The following OTUD7A variants were observed in gnomAD, a reference collection of about 807,000 sequenced individuals.
OTUD7A encodes the protein OTU deubiquitinase 7A.
OTUD7A carries 12 observed loss-of-function variants against 65.7 expected under a neutral mutation model. The ratio of observed to expected loss-of-function variants is 0.18; its 90% CI spans 0.12 to 0.30. The LOEUF (loss-of-function observed/expected upper bound fraction) is 0.30, where lower values mean the gene tolerates loss of function less well. OTUD7A is among the 10% of genes least tolerant of loss of function. The probability of loss-of-function intolerance (pLI) is 1.00; values close to 1 mark genes in which losing one functional copy is unlikely to be tolerated. For synonymous variants in OTUD7A, 641 were observed against 586.3 expected (o/e 1.09, Z -1.35); for missense variants, 1,148 against 1,304.8 (o/e 0.88, Z 1.85).
At chr15:31,545,228 T>A (rs996594929) in intron 5 of OTUD7A, among the ~76,000 whole-genome samples, 11 of 152,092 alleles carry the variant, frequency 7.2e-5, no homozygotes, top group Middle Eastern at 6.8e-3. Flanking sequence ...AATGGTACCA[T>A]GTCAGGTTGA....
chr15:31,777,987 C>T (rs1895432190), intron 1 of OTUD7A, among the ~76,000 whole-genome samples: 1 of 152,104 alleles, frequency 6.6e-6, no homozygotes, highest in African/African-American at 2.4e-5. Context: ...AATGGAGCGG[C>T]TCTTAGACAC....
At chr15:31,670,457 T>G (rs1403177652) in intron 1 of OTUD7A, among the ~76,000 whole-genome samples, 1 of 152,130 alleles carries the variant, frequency 6.6e-6, no homozygotes, top group Non-Finnish European at 1.5e-5. Flanking sequence ...TTCTTGGCTT[T>G]TTAATAATTG....
chr15:31,734,924 T>A (rs1319468519), intron 1 of OTUD7A, among the ~76,000 whole-genome samples: 1 of 152,038 alleles, frequency 6.6e-6, no homozygotes, highest in Non-Finnish European at 1.5e-5. Context: ...TTAAAGAGCT[T>A]CTGCACAGCA....
intron 1 of OTUD7A, among the ~76,000 whole-genome samples, chr15:31,763,898 C>T (rs1895037220): frequency 6.6e-6 from 1 of 152,148 alleles, no homozygotes; most frequent in South Asian, 2.1e-4. Flanking sequence ...GAATGAAAGA[C>T]AAGAACTGTT....
At chr15:31,611,990 T>A (rs1890437716) in intron 3 of OTUD7A, among the ~76,000 whole-genome samples, 1 of 152,192 alleles carries the variant, frequency 6.6e-6, no homozygotes, top group South Asian at 2.1e-4. Context: ...GCAGAAACGA[T>A]TTAACATATG....
intron 1 of OTUD7A, among the ~76,000 whole-genome samples, chr15:31,732,671 T>C (rs1355963035): frequency 6.6e-6 from 1 of 152,236 alleles, no homozygotes; most frequent in Non-Finnish European, 1.5e-5. Flanking sequence ...CTCTATCAAT[T>C]GCATCGCACT....
chr15:31,747,251 A>G (rs533165249), intron 1 of OTUD7A, among the ~76,000 whole-genome samples: 2 of 152,336 alleles, frequency 1.3e-5, no homozygotes, highest in African/African-American at 4.8e-5. Flanking sequence ...TTTTTGATAC[A>G]TACCCACATT....
chr15:31,810,126 G>A (rs938244789), intron 1 of OTUD7A, among the ~76,000 whole-genome samples: 5 of 152,176 alleles, frequency 3.3e-5, no homozygotes, highest in Admixed American at 3.3e-4. Context: ...CTGGAGAAGG[G>A]CAGCTTCGGG....
chr15:31,628,910 T>C (rs1328128086), intron 3 of OTUD7A, among the ~76,000 whole-genome samples: 3 of 152,234 alleles, frequency 2.0e-5, no homozygotes, highest in African/African-American at 7.2e-5. Flanking sequence ...TATTGGTGCA[T>C]AAGAATGCTT....
At chr15:31,840,446 A>G (rs1897156614) in intron 1 of OTUD7A, among the ~76,000 whole-genome samples, 1 of 151,996 alleles carries the variant, frequency 6.6e-6, no homozygotes, top group African/African-American at 2.4e-5. Context: ...TCAAAAATTA[A>G]AAAATAAAAA....
chr15:31,830,881 T>C (rs1043984691), intron 1 of OTUD7A, among the ~76,000 whole-genome samples: 1 of 152,196 alleles, frequency 6.6e-6, no homozygotes, highest in African/African-American at 2.4e-5. Context: ...CTCAATCACA[T>C]TGGAGCACAG....
rs1274407667 is a variant in OTUD7A at position 31,617,891 on chromosome 15, T to A, written c.151+37205A>T. 5.3e-5 allele frequency among the ~76,000 whole-genome samples: 8 copies of A among 152,276 alleles called. No individual in the cohort carries two copies. In the East Asian group the frequency reaches 1.5e-3, roughly 29 times the overall value. On this transcript the variant is annotated intron_variant, in intron 3 of 12. Transcript: ENST00000307050. ...TGTGCTGCACCCATTAATTCGTCAT[T>A]CACATTACGCATATCTCCTAATGCT...
intron 3 of OTUD7A, among the ~76,000 whole-genome samples, chr15:31,638,508 T>C (rs1216542091): frequency 6.6e-6 from 1 of 151,164 alleles, no homozygotes; most frequent in African/African-American, 2.4e-5. Context: ...GCCTCCCCAG[T>C]AGCTGGGACG....
At chr15:31,560,841 A>T (rs1888664841) in intron 4 of OTUD7A, among the ~76,000 whole-genome samples, 1 of 152,236 alleles carries the variant, frequency 6.6e-6, no homozygotes, top group African/African-American at 2.4e-5. Flanking sequence ...CACACTGACC[A>T]GCACACCACG....
chr15:31,629,446 C>G (rs1038326094), intron 3 of OTUD7A, among the ~76,000 whole-genome samples: 5 of 152,182 alleles, frequency 3.3e-5, no homozygotes, highest in African/African-American at 1.2e-4. Flanking sequence ...ATGAAGCCCA[C>G]TTGATCATGG....
chr15:31,566,630 T>C (rs1888883117), intron 4 of OTUD7A, among the ~76,000 whole-genome samples: 2 of 152,192 alleles, frequency 1.3e-5, no homozygotes, highest in Non-Finnish European at 2.9e-5. Flanking sequence ...TCCCCAATCT[T>C]GGAGGGGGGG....
intron 5 of OTUD7A, chr15:31,557,328 C>T (rs1888529650): frequency 6.6e-6 from 1 of 152,252 alleles, no homozygotes; most frequent in Admixed American, 6.5e-5. Context: ...GTAAAACTTC[C>T]CGGCACATTG....
intron 1 of OTUD7A, among the ~76,000 whole-genome samples, chr15:31,842,260 T>G (rs1047464656): frequency 2.0e-5 from 3 of 152,210 alleles, no homozygotes; most frequent in African/African-American, 7.2e-5. Context: ...GTGGGTGTGT[T>G]CTGTGTCCTG....
intron 1 of OTUD7A, among the ~76,000 whole-genome samples, chr15:31,801,168 TTCAACACAC>T (rs1896115233): frequency 6.6e-6 from 1 of 152,042 alleles, no homozygotes; most frequent in Non-Finnish European, 1.5e-5. Context: ...CACTAGCACA[TTCAACACAC>T]TCAACACAGG....
Sources: gnomAD v4.1 joint callset for allele counts (sites outside exome capture counted in the v4.1 genomes callset) on GRCh38, gnomAD v4.1.1 for gene constraint, MANE v1.5 for transcripts, NCBI Gene and HGNC (gene_info 2026-07-23, HGNC 2026-07-21) for gene names.